The following CNTNAP4 variants were observed in gnomAD, a reference collection of about 807,000 sequenced individuals.
The protein encoded by CNTNAP4 is contactin associated protein family member 4.
CNTNAP4 carries 98 observed loss-of-function variants against 148.4 expected under a neutral mutation model. The ratio of observed to expected loss-of-function variants is 0.66; its 90% confidence interval spans 0.56 to 0.78. The LOEUF is 0.78. Ranked by LOEUF, CNTNAP4 falls within the 30% of genes least tolerant of loss-of-function variation. CNTNAP4 has a pLI of 0.00. For missense variants in CNTNAP4, 1,935 were observed against 1,565.6 expected (o/e 1.24, Z -3.98); for synonymous variants, 730 against 565.1 (o/e 1.29, Z -4.14).
At chr16:76,279,973 A>G (rs1264805998) in intron 1 of CNTNAP4, among the ~76,000 whole-genome samples, 7 of 152,164 alleles carry the variant, frequency 4.6e-5, no homozygotes, top group African/African-American at 1.7e-4. Flanking sequence ...GCAAGACTGG[A>G]ATTTAGTGTA....
chr16:76,420,762 C>A (rs1297051196), intron 3 of CNTNAP4, among the ~76,000 whole-genome samples: 2 of 152,018 alleles, frequency 1.3e-5, no homozygotes, highest in Non-Finnish European at 2.9e-5. Flanking sequence ...AAGAGAAAGC[C>A]TCAAATGCTG....
chr16:76,395,441 A>AT (rs200097394), intron 3 of CNTNAP4, among the ~76,000 whole-genome samples: 3,088 of 151,438 alleles, frequency 0.02, 96 homozygotes, highest in African/African-American at 0.069. Context: ...AATTTTTTGT[A>AT]TTTTTAGTAG....
At chr16:76,553,607 A>T (rs779590475) in intron 22 of CNTNAP4, 106 bp downstream of exon 22, 110 of 855,196 alleles carry the variant, frequency 1.3e-4, no homozygotes, top group Non-Finnish European at 2.0e-4. Flanking sequence ...TGGCTTCTTA[A>T]AGTTGGTTTT....
chr16:76,298,424 T>G (rs1056650823), intron 1 of CNTNAP4, among the ~76,000 whole-genome samples: 1 of 152,138 alleles, frequency 6.6e-6, no homozygotes, highest in Non-Finnish European at 1.5e-5. Context: ...CTAGCTTTTA[T>G]GAATGGCAAT....
intron 17 of CNTNAP4, among the ~76,000 whole-genome samples, chr16:76,525,471 G>GAA (rs914085003): frequency 6.8e-6 from 1 of 146,990 alleles, no homozygotes; most frequent in African/African-American, 2.5e-5. Flanking sequence ...ATAATATAGA[G>GAA]AAAAAATATA....
At chr16:76,341,560 G>C (rs777783684) in intron 2 of CNTNAP4, among the ~76,000 whole-genome samples, 13 of 152,136 alleles carry the variant, frequency 8.5e-5, no homozygotes, top group Non-Finnish European at 1.5e-4. Context: ...ATGAATGGAA[G>C]GCTAGAATTA....
intron 14 of CNTNAP4, among the ~76,000 whole-genome samples, chr16:76,496,966 G>C (rs1250027851): frequency 6.6e-6 from 1 of 152,136 alleles, no homozygotes; most frequent in Admixed American, 6.5e-5. Flanking sequence ...ATTTTAAGTA[G>C]ATAAGTGAGA....
intron 3 of CNTNAP4, among the ~76,000 whole-genome samples, chr16:76,398,108 T>C (rs530788303): frequency 6.7e-6 from 1 of 149,344 alleles, no homozygotes; most frequent in Admixed American, 6.7e-5. Flanking sequence ...TGGAGTCCAA[T>C]GTTTGAGAGT....
rs368130738 is a variant in CNTNAP4, at chr16:76,559,664, A to G, written c.*981A>G. ...TTACATTTCTGTTTTTCTGAAGTTT[A>G]TCACAAACTTCGCCTTGATCTTCAA... On this transcript the variant is annotated 3_prime_UTR_variant, in exon 24 of 24. Transcript: ENST00000611870. Among the ~76,000 whole-genome samples the G allele has an allele frequency of 1.6e-4, 25 of 152,298 alleles. No individual in the cohort carries two copies. In the East Asian group the frequency reaches 3.3e-3, roughly 20 times the overall value.
Position 76,553,458 on chromosome 16 carries a change from T to C in CNTNAP4, c.3618T>C (p.Pro1206=), listed in dbSNP as rs1033282863. 4 of 1,612,344 alleles carry C rather than the reference T, an allele frequency of 2.5e-6. No homozygotes were observed. In the African/African-American group the frequency reaches 5.3e-5, roughly 22 times the overall value. The change falls in exon 22 of 24, where the codon CCT becomes CCC. Residue 1206 remains proline (P), a synonymous_variant. Coordinates refer to ENST00000611870, the MANE Select transcript of CNTNAP4 (RefSeq NM_033401.5). ...CTGAGTCCAGCTGTATGGCCCAGCC[T>C]GGCACTGATGCCACATCAAGGGAAA... ...HVTESSCMAQ[P]GTDATSRERT... is the part of the protein sequence containing the mutation.
chr16:76,515,818 C>T (rs1175732024), intron 15 of CNTNAP4, among the ~76,000 whole-genome samples: 1 of 151,984 alleles, frequency 6.6e-6, no homozygotes, highest in African/African-American at 2.4e-5. Flanking sequence ...AAAATAGTGC[C>T]AACACAAAAT....
chr16:76,403,304 A>G (rs1568021234), intron 3 of CNTNAP4, among the ~76,000 whole-genome samples: 2 of 152,104 alleles, frequency 1.3e-5, no homozygotes, highest in Non-Finnish European at 1.5e-5. Flanking sequence ...TGTGTTAGCC[A>G]GGATGGTCTC....
Position 76,537,455 on chromosome 16 carries a change from T to A in CNTNAP4, c.2996-661T>A, listed in dbSNP as rs1027663563. ...TACATATGTATTTGGTGTGTGTGTG[T>A]GAGAGAGAGAGAGAGGAAGACAGAG... On this transcript the variant is annotated intron_variant, in intron 18 of 23. Coordinates refer to ENST00000611870, the MANE Select transcript of CNTNAP4 (RefSeq NM_033401.5). Among the ~76,000 whole-genome samples the A allele has an allele frequency of 6.0e-5, 9 of 150,524 alleles. No individual in the cohort carries two copies. The South Asian group carries it at 1.2e-3, about 21-fold the overall frequency.
intron 15 of CNTNAP4, among the ~76,000 whole-genome samples, chr16:76,502,575 A>G (rs2082692385): frequency 6.6e-6 from 1 of 152,194 alleles, no homozygotes; most frequent in Non-Finnish European, 1.5e-5. Flanking sequence ...ATGATCAGTT[A>G]TAAATCTAAA....
At chr16:76,511,687 G>C (rs1198972441) in intron 15 of CNTNAP4, among the ~76,000 whole-genome samples, 1 of 151,680 alleles carries the variant, frequency 6.6e-6, no homozygotes, top group East Asian at 1.9e-4. Flanking sequence ...ACTTTTGTAT[G>C]CCCTCTTTCT....
intron 1 of CNTNAP4, among the ~76,000 whole-genome samples, chr16:76,293,819 C>CTTT (rs1209734206): frequency 2.2e-5 from 3 of 137,352 alleles, no homozygotes; most frequent in African/African-American, 5.5e-5. Flanking sequence ...GAACAAGCTG[C>CTTT]TTTTTTTTTT....
chr16:76,553,231 G>C, intron 21 of CNTNAP4, 52 bp from the exon 22 acceptor site: 1 of 1,093,552 alleles, frequency 9.1e-7, no homozygotes, highest in Non-Finnish European at 1.3e-6. Context: ...CTGCATCATC[G>C]CCTATTTTCA....
At chr16:76,321,675 G>C (rs1414218649) in intron 2 of CNTNAP4, among the ~76,000 whole-genome samples, 1 of 151,088 alleles carries the variant, frequency 6.6e-6, no homozygotes, top group East Asian at 1.9e-4. Context: ...TGTAACCCCA[G>C]CTACTCAGGA....
intron 2 of CNTNAP4, among the ~76,000 whole-genome samples, chr16:76,318,877 C>T (rs1962112088): frequency 6.6e-6 from 1 of 151,684 alleles, no homozygotes; most frequent in Admixed American, 6.6e-5. Context: ...GCCAAGTCTG[C>T]AGTCATATGT....
Sources: gnomAD v4.1 joint callset for allele counts (sites outside exome capture counted in the v4.1 genomes callset) on GRCh38, gnomAD v4.1.1 for gene constraint, MANE v1.5 for transcripts, NCBI Gene and HGNC (gene_info 2026-07-23, HGNC 2026-07-21) for gene names.